ARHGAP23: variants seen among roughly 807,000 people sequenced by gnomAD.
ARHGAP23 encodes Rho GTPase activating protein 23.
Under a neutral mutation model 136.3 loss-of-function variants are expected in ARHGAP23, and 34 were observed. The ratio of observed to expected loss-of-function variants is 0.25; its 90% CI spans 0.19 to 0.33. The LOEUF is 0.33. ARHGAP23 is among the 10% of genes least tolerant of loss of function. The pLI, the probability that ARHGAP23 is intolerant of heterozygous loss-of-function variation, is 1.00. For missense variants in ARHGAP23, 1,808 were observed against 2,139.0 expected, an observed-to-expected ratio of 0.85 and a Z score of 3.05; for synonymous variants, 832 against 920.5, an observed-to-expected ratio of 0.90 and a Z score of 1.74.
chr17:38,453,422 CGT>C (rs1161809844), intron 1 of ARHGAP23, among the ~76,000 whole-genome samples: 14,362 of 116,378 alleles, frequency 0.12, 931 homozygotes, highest in Non-Finnish European at 0.16. Flanking sequence ...CGTATGCGTG[CGT>C]GTGTGTGTGT....
At chr17:38,504,039 A>AG (rs1337601331) in intron 23 of ARHGAP23, among the ~76,000 whole-genome samples, 1 of 152,210 alleles carries the variant, frequency 6.6e-6, no homozygotes, top group African/African-American at 2.4e-5. Flanking sequence ...AGAGAACTTA[A>AG]GTAACTAGAA....
At position 38,510,656 on chromosome 17, in the gene ARHGAP23, G is replaced by C. The variant is rs776973848; in HGVS notation, c.4160G>C (p.Arg1387Pro). Residue 1387 changes from arginine to proline, a missense_variant, in exon 24 of 24, where the codon CGC (arginine) becomes CCC (proline). Transcript: ENST00000622683. This position sits in a 1 kb window ranked among gnomAD's most constrained non-coding sequence, Gnocchi z 4.6. ...RGTADDMLAV[R>P]LRRPLSPETR... is the part of the protein sequence containing the mutation. ...ACGGCGGACGACATGCTCGCCGTGC[G>C]CCTGCGGCGGCCGCTGTCGCCCGAG... is the stretch of plus-strand genomic sequence containing the variant. The C allele has an allele frequency of 1.9e-5, 26 of 1,380,284 alleles. 1 individual carries two copies. The South Asian group carries it at 4.4e-4, about 23-fold the overall frequency. 85.5% of individuals were successfully genotyped at this position (1,380,284 alleles called of 1,614,324 possible). A position where few individuals can be genotyped will look rare whatever the true frequency, so the allele number is the denominator to read the frequency against.
At chr17:38,463,088 G>C (rs2039499650) in intron 4 of ARHGAP23, 30 bp from the exon 5 acceptor site, 4 of 1,549,640 alleles carry the variant, frequency 2.6e-6, no homozygotes, top group Non-Finnish European at 3.5e-6. Flanking sequence ...GATGCCCTTT[G>C]GTCACCACTC....
At chr17:38,446,387 T>G (rs2039035532) in intron 1 of ARHGAP23, among the ~76,000 whole-genome samples, 1 of 152,112 alleles carries the variant, frequency 6.6e-6, no homozygotes, top group Non-Finnish European at 1.5e-5. Flanking sequence ...ATGTATTATA[T>G]GTAATACAAT....
intron 11 of ARHGAP23, among the ~76,000 whole-genome samples, chr17:38,472,323 C>G (rs1467374906): frequency 6.6e-6 from 1 of 152,122 alleles, no homozygotes; most frequent in African/African-American, 2.4e-5. Context: ...TCATGGAAAA[C>G]AAGGAGCAAG....
chr17:38,439,777 C>CT lies in ARHGAP23; in HGVS notation c.63+11244dup, dbSNP rs200647606. Among the ~76,000 whole-genome samples, 515 of 145,482 alleles carry CT rather than the reference C, an allele frequency of 3.5e-3. 1 individual carries two copies. Among genetic ancestry groups the CT allele is most frequent in the African/African-American group, 9.6e-3 (379 of 39,684 alleles). On this transcript the variant is annotated intron_variant, in intron 1 of 23. Coordinates refer to ENST00000622683, the MANE Select transcript of ARHGAP23 (RefSeq NM_001199417.2). ...GCTTCCTCTGAATCCTGCTTAGGAA[C>CT]TTTTTTTTTTTTTTTGAGACCAAGT...
At chr17:38,419,679 T>A (rs1279743855) in intron 1 of ARHGAP23, among the ~76,000 whole-genome samples, 1 of 151,452 alleles carries the variant, frequency 6.6e-6, no homozygotes, top group Admixed American at 6.6e-5. Flanking sequence ...CCCACCCCCT[T>A]TCCAGAAAGA....
intron 23 of ARHGAP23, among the ~76,000 whole-genome samples, chr17:38,509,047 G>C (rs1349026670): frequency 1.6e-5 from 2 of 126,720 alleles, no homozygotes; most frequent in Non-Finnish European, 3.3e-5. Flanking sequence ...AGGCAGGGGC[G>C]GGGCGGGGGG....
intron 23 of ARHGAP23, among the ~76,000 whole-genome samples, chr17:38,503,684 C>T (rs1010448293): frequency 4.6e-5 from 7 of 152,224 alleles, no homozygotes; most frequent in East Asian, 1.9e-4. Flanking sequence ...CCTCCTGAGA[C>T]GCTAGCAGTT....
intron 20 of ARHGAP23, among the ~76,000 whole-genome samples, chr17:38,493,830 G>A (rs1341081205): frequency 6.6e-6 from 1 of 152,208 alleles, no homozygotes; most frequent in African/African-American, 2.4e-5. Flanking sequence ...GCAAACCTGG[G>A]TGTCTGATCT....
chr17:38,463,481 C>T lies in ARHGAP23; in HGVS notation c.483+99C>T. 2.2e-6 allele frequency: 3 copies of T among 1,391,304 alleles called. No individual in the cohort carries two copies. The Admixed American group carries it at 6.0e-5, about 28-fold the overall frequency. 86.2% of individuals were successfully genotyped at this position (1,391,304 alleles called of 1,614,324 possible). On this transcript the variant is annotated intron_variant, in intron 6 of 23. Coordinates refer to ENST00000622683, the MANE Select transcript of ARHGAP23 (RefSeq NM_001199417.2). The stretch of plus-strand genomic sequence containing the variant: ...GAAGGAAGTGTTTGGAGGGCACAGG[C>T]CGACATTGCCCAGTTGGGGATGCCA...
At chr17:38,495,953 A>G (rs1183384417) in intron 20 of ARHGAP23, among the ~76,000 whole-genome samples, 1 of 152,054 alleles carries the variant, frequency 6.6e-6, no homozygotes, top group African/African-American at 2.4e-5. Flanking sequence ...GCTGGAGTAC[A>G]GTGGTGCGAC....
At chr17:38,428,382 G>GC (rs2038603909), upstream of ARHGAP23, 297 of 402,414 alleles carry the variant, frequency 7.4e-4, no homozygotes, top group Middle Eastern at 2.2e-3. Flanking sequence ...CCCCGGGGGG[G>GC]GCCCCCCCAC....
rs1029610840 is a variant in ARHGAP23 at position 38,446,697 on chromosome 17, C to T, written c.64-11405C>T. ...CGCGCTCTTGGCTCACTGCAACCTCCGCCTCCCTGGTTCAAGCGATTCTCC... is the reference window on the plus strand; with the variant it reads ...CGCGCTCTTGGCTCACTGCAACCTCTGCCTCCCTGGTTCAAGCGATTCTCC... On this transcript the variant is annotated intron_variant, in intron 1 of 23. Coordinates refer to ENST00000622683, the MANE Select transcript of ARHGAP23 (RefSeq NM_001199417.2). Among the ~76,000 whole-genome samples, 5 of 151,666 alleles carry T rather than the reference C, an allele frequency of 3.3e-5. No individual in the cohort carries two copies. In the South Asian group the frequency reaches 6.3e-4, roughly 19 times the overall value.
chr17:38,459,208 G>C lies in ARHGAP23; in HGVS notation c.225+945G>C, dbSNP rs150230709. 3.3e-3 allele frequency among the ~76,000 whole-genome samples: 501 copies of C among 152,314 alleles called. 2 individuals are homozygous for C. Among genetic ancestry groups the C allele is most frequent in the African/African-American group, 0.012 (484 of 41,564 alleles). ...TACAGCTATTGGGGGACTCCCCCTT[G>C]GTCCCACCTATCAGAGAACCAAACA... On this transcript the variant is annotated intron_variant, in intron 2 of 23. Coordinates refer to ENST00000622683, the MANE Select transcript of ARHGAP23 (RefSeq NM_001199417.2).
Position 38,510,143 on chromosome 17 carries a change from C to G in ARHGAP23, c.3647C>G (p.Pro1216Arg). The G allele has an allele frequency of 5.5e-6, 7 of 1,273,728 alleles. No individual in the cohort carries two copies. The highest frequency in any genetic ancestry group is 5.9e-6 in the Non-Finnish European group (6 of 1,017,176). 78.9% of individuals were successfully genotyped at this position (1,273,728 alleles called of 1,614,324 possible). The change falls in exon 24 of 24, where the codon CCG becomes CGG. Residue 1216 changes from proline to arginine, a missense_variant. Pro to Arg is a moderately radical substitution (Grantham distance 103). This residue lies in a region of ARHGAP23 where 506 missense variants were observed against 455.8 expected (regional missense o/e 1.11). Coordinates refer to ENST00000622683, the MANE Select transcript of ARHGAP23 (RefSeq NM_001199417.2). The surrounding 1 kb of genome is among the most constrained non-coding windows in gnomAD (Gnocchi z 4.6). ...GGGACTCAGGAGCGGCCGCAGGGGC[C>G]GCTGCCTGGCGCCGTCGCCCCCGAG... The part of the protein sequence containing the change: ...APGTQERPQG[P>R]LPGAVAPEAP...
chr17:38,427,362 G>A (rs766229064), upstream of ARHGAP23, among the ~76,000 whole-genome samples: 28 of 152,192 alleles, frequency 1.8e-4, no homozygotes, highest in Non-Finnish European at 2.6e-4. Flanking sequence ...TACCTGGGGA[G>A]GCTGAGGTGG....
intron 19 of ARHGAP23, 97 bp from the exon 20 acceptor site, chr17:38,491,310 T>G (rs2040273693): frequency 6.7e-7 from 1 of 1,485,912 alleles, no homozygotes; most frequent in Non-Finnish European, 9.1e-7. Flanking sequence ...AGCTGGGGAC[T>G]GGTGAGGATG....
At chr17:38,439,446 C>T (rs1385265505) in intron 1 of ARHGAP23, among the ~76,000 whole-genome samples, 1 of 152,208 alleles carries the variant, frequency 6.6e-6, no homozygotes, top group Non-Finnish European at 1.5e-5. Flanking sequence ...AGCTTCTAGG[C>T]CAGGCCCTGT....
Sources: gnomAD v4.1 joint callset for allele counts (sites outside exome capture counted in the v4.1 genomes callset) on GRCh38, gnomAD v4.1.1 for gene constraint, gnomAD v4.1.1 regional missense constraint, Gnocchi (gnomAD v3.1) non-coding constraint, MANE v1.5 for transcripts, NCBI Gene and HGNC (gene_info 2026-07-23, HGNC 2026-07-21) for gene names.